KIF16B: variants seen among roughly 807,000 people sequenced by gnomAD.
KIF16B encodes kinesin family member 16B, also known as kinesin-like protein KIF16B.
A neutral mutation model predicts 156.3 loss-of-function variants in KIF16B; 98 were observed. The observed-to-expected ratio is 0.63, with a 90% CI of 0.53 to 0.74. The LOEUF (loss-of-function observed/expected upper bound fraction) is 0.74. Among genes scored for constraint, KIF16B ranks in the 30% least tolerant of loss-of-function variants. KIF16B has a pLI of 0.00. For synonymous variants in KIF16B, 564 were observed against 583.7 expected (o/e 0.97, Z 0.49); for missense variants, 1,421 against 1,606.5 (o/e 0.88, Z 1.97).
At chr20:16,318,341 A>G (rs1312436395) in intron 24 of KIF16B, among the ~76,000 whole-genome samples, 1 of 152,218 alleles carries the variant, frequency 6.6e-6, no homozygotes, top group Non-Finnish European at 1.5e-5. Context: ...CGTAGGAACC[A>G]TAAAATCCAT....
At chr20:16,469,843 A>G (rs926810145) in intron 12 of KIF16B, among the ~76,000 whole-genome samples, 3 of 152,152 alleles carry the variant, frequency 2.0e-5, no homozygotes, top group African/African-American at 7.2e-5. Flanking sequence ...AATGAGCTGA[A>G]AACGTATGTC....
chr20:16,515,705 A>T (rs1375314694), intron 3 of KIF16B, 41 bp from the exon 4 acceptor site: 1 of 1,104,238 alleles, frequency 9.1e-7, no homozygotes, highest in Non-Finnish European at 1.4e-6. Flanking sequence ...CAATTATCAT[A>T]GATTTTAATA....
intron 22 of KIF16B, among the ~76,000 whole-genome samples, chr20:16,357,059 G>A (rs1054759634): frequency 2.0e-5 from 3 of 152,186 alleles, no homozygotes; most frequent in African/African-American, 7.2e-5. Flanking sequence ...GACTAGTGGG[G>A]TCTGAGGAAG....
chr20:16,500,452 T>C (rs532908398), intron 10 of KIF16B, among the ~76,000 whole-genome samples: 6 of 152,308 alleles, frequency 3.9e-5, no homozygotes, highest in South Asian at 2.1e-4. Context: ...ATTTTCATTA[T>C]GTTATATAAA....
intron 12 of KIF16B, among the ~76,000 whole-genome samples, chr20:16,481,593 A>C (rs1263599650): frequency 2.0e-5 from 3 of 152,198 alleles, no homozygotes; most frequent in Non-Finnish European, 4.4e-5. Flanking sequence ...CTGTTGCTTG[A>C]CTTCCATCAA....
At chr20:16,284,227 A>C (rs566331165) in intron 25 of KIF16B, among the ~76,000 whole-genome samples, 1 of 152,286 alleles carries the variant, frequency 6.6e-6, no homozygotes, top group Admixed American at 6.5e-5. Flanking sequence ...TTTGCAAGCC[A>C]ATCTAAAACT....
chr20:16,417,889 AG>A (rs2066129721), intron 15 of KIF16B, among the ~76,000 whole-genome samples: 1 of 152,132 alleles, frequency 6.6e-6, no homozygotes, highest in South Asian at 2.1e-4. Flanking sequence ...AGGAACTGTG[AG>A]ACAATAGTAA....
intron 12 of KIF16B, 39 bp downstream of exon 12, chr20:16,494,252 C>A: frequency 3.2e-6 from 4 of 1,245,392 alleles, no homozygotes; most frequent in Non-Finnish European, 4.6e-6. Flanking sequence ...CCAGTTTAAT[C>A]CACCATAGTA....
intron 25 of KIF16B, among the ~76,000 whole-genome samples, chr20:16,281,837 C>G (rs2063150706): frequency 6.6e-6 from 1 of 152,238 alleles, no homozygotes; most frequent in South Asian, 2.1e-4. Flanking sequence ...CTCAGAGTCT[C>G]TCCTTGTTCC....
chr20:16,525,223 T>C (rs1056568050), intron 3 of KIF16B, among the ~76,000 whole-genome samples: 2 of 152,124 alleles, frequency 1.3e-5, no homozygotes, highest in Non-Finnish European at 2.9e-5. Context: ...TACCCTACTT[T>C]TCGAGATGCC....
chr20:16,429,907 C>A lies in KIF16B; in HGVS notation c.1378G>T (p.Asp460Tyr). ...ATTCCAGTACTCAAAAGGTCATCATCGATGCCAATCAAATGAGGCAGTTCA... is the reference window on the plus strand; with the variant it reads ...ATTCCAGTACTCAAAAGGTCATCATAGATGCCAATCAAATGAGGCAGTTCA... The part of the protein sequence containing the change: ...DSELPHLIGI[D>Y]DDLLSTGIIL... The change falls in exon 13 of 26, where the codon GAT (aspartate) becomes TAT (tyrosine). Residue 460 changes from aspartate to tyrosine, a missense_variant. Physicochemically the swap from Asp to Tyr is radical, Grantham distance 160. Transcript: ENST00000354981. The A allele has an allele frequency of 6.2e-7, 1 of 1,612,254 alleles. No individual in the cohort carries two copies. Among genetic ancestry groups the A allele is most frequent in the Non-Finnish European group, 8.5e-7 (1 of 1,178,748 alleles).
intron 22 of KIF16B, among the ~76,000 whole-genome samples, chr20:16,357,100 T>C (rs187399431): frequency 6.6e-6 from 1 of 152,334 alleles, no homozygotes; most frequent in East Asian, 1.9e-4. Flanking sequence ...ATCTTCCAAA[T>C]GAAGTTGTCT....
rs1305830876 is a variant in KIF16B, at chr20:16,514,587, A to G, written c.348+961T>C. ...GAGCTCTCACTAAGAAATAAGAAAA[A>G]AAAAAAAAAAAAAAAAAAACAGGCC... On this transcript the variant is annotated intron_variant, in intron 4 of 25. Coordinates refer to ENST00000354981, the MANE Select transcript of KIF16B (RefSeq NM_024704.5). Among the ~76,000 whole-genome samples, 80 of 140,734 alleles carry G rather than the reference A, an allele frequency of 5.7e-4. 2 individuals carry two copies. The highest frequency in any genetic ancestry group is 4.1e-3 in the Middle Eastern group (1 of 246). The allele number at this position is 140,734 out of a possible 152,430, so 92.3% of individuals were successfully genotyped here.
chr20:16,421,351 T>G (rs2066221493), intron 15 of KIF16B, among the ~76,000 whole-genome samples: 1 of 152,180 alleles, frequency 6.6e-6, no homozygotes, highest in Non-Finnish European at 1.5e-5. Context: ...CAGATACAGT[T>G]GAAAATCCTT....
intron 1 of KIF16B, among the ~76,000 whole-genome samples, chr20:16,564,800 C>G (rs528059297): frequency 5.3e-5 from 8 of 152,230 alleles, no homozygotes; most frequent in Non-Finnish European, 1.0e-4. Context: ...AATGCCCTCA[C>G]AGCCCAATCA....
At chr20:16,329,115 A>G (rs1003254086) in intron 24 of KIF16B, among the ~76,000 whole-genome samples, 1 of 152,216 alleles carries the variant, frequency 6.6e-6, no homozygotes, top group African/African-American at 2.4e-5. Flanking sequence ...TTCCAGCCTC[A>G]TGTCATCCAA....
intron 17 of KIF16B, among the ~76,000 whole-genome samples, chr20:16,399,096 C>A (rs778629178): frequency 4.6e-4 from 70 of 152,230 alleles, no homozygotes; most frequent in Middle Eastern, 6.8e-3. Context: ...GCTTTTGATT[C>A]CTGTTAAAAC....
At chr20:16,336,075 T>A in intron 23 of KIF16B, 60 bp from the exon 24 acceptor site, 1 of 1,005,782 alleles carries the variant, frequency 9.9e-7, no homozygotes, top group Non-Finnish European at 1.5e-6. Flanking sequence ...CTAAAATTTT[T>A]CAAAAGAATT....
chr20:16,461,041 T>C (rs985710612), intron 12 of KIF16B, among the ~76,000 whole-genome samples: 6 of 152,022 alleles, frequency 3.9e-5, no homozygotes, highest in African/African-American at 9.7e-5. Context: ...AGAAATTTCA[T>C]TGTTATATAA....
Sources: allele counts gnomAD v4.1 joint callset (sites outside exome capture counted in the v4.1 genomes callset), GRCh38; gene constraint gnomAD v4.1.1; transcripts MANE v1.5; gene names NCBI Gene and HGNC (gene_info 2026-07-23, HGNC 2026-07-21).